Variants in USP4 observed in about 807,000 individuals in gnomAD.
USP4 encodes the protein ubiquitin carboxyl-terminal hydrolase 4.
USP4 carries 72 observed loss-of-function variants against 118.2 expected under a neutral mutation model. The ratio of observed to expected loss-of-function variants is 0.61; its 90% CI spans 0.50 to 0.74. USP4 has a LOEUF of 0.74. Among genes scored for constraint, USP4 ranks in the 30% least tolerant of loss-of-function variants. The pLI is 0.00. For synonymous variants in USP4, 415 were observed against 440.4 expected (o/e 0.94, Z 0.72); for missense variants, 1,037 against 1,185.7 (o/e 0.87, Z 1.84).
chr3:49,304,037 G>A (rs963014947), intron 9 of USP4, among the ~76,000 whole-genome samples: 8 of 151,820 alleles, frequency 5.3e-5, no homozygotes, highest in Admixed American at 6.6e-5. Flanking sequence ...ACAGGTGTGA[G>A]GCACCGCACC....
chr3:49,309,788 G>C (rs377446732), intron 8 of USP4, among the ~76,000 whole-genome samples: 1 of 146,858 alleles, frequency 6.8e-6, no homozygotes, highest in African/African-American at 2.5e-5. Context: ...CACCACACCC[G>C]GCTAATTTTT....
At chr3:49,321,892 G>A (rs2047506719) in intron 6 of USP4, among the ~76,000 whole-genome samples, 1 of 152,084 alleles carries the variant, frequency 6.6e-6, no homozygotes, top group Non-Finnish European at 1.5e-5. Context: ...CTACTCAGGA[G>A]GCTGAGGCAC....
chr3:49,307,513 C>T (rs891849334), intron 8 of USP4, among the ~76,000 whole-genome samples: 1 of 151,784 alleles, frequency 6.6e-6, no homozygotes, highest in Admixed American at 6.6e-5. Flanking sequence ...TGGTCTCAAA[C>T]TCCTGGGCTC....
intron 18 of USP4, 118 bp from the exon 19 acceptor site, chr3:49,284,254 A>G: frequency 7.3e-7 from 1 of 1,375,716 alleles, no homozygotes; most frequent in South Asian, 1.3e-5. Flanking sequence ...GTCAGCACTC[A>G]ACACTACTGC....
intron 6 of USP4, chr3:49,317,217 G>T: frequency 6.6e-7 from 1 of 1,515,104 alleles, no homozygotes. Context: ...CCGTCTCCGC[G>T]ATGGTCTGGT....
At chr3:49,293,270 T>C (rs1220447820) in intron 14 of USP4, among the ~76,000 whole-genome samples, 3 of 151,964 alleles carry the variant, frequency 2.0e-5, no homozygotes. Context: ...CCTAGCACTC[T>C]GGGAGGCTGA....
rs753444174 is a variant in USP4, at chr3:49,339,904, A to C, written c.101+20T>G. The C allele has an allele frequency of 7.5e-6, 12 of 1,606,724 alleles. No homozygotes were observed. The Admixed American group carries it at 1.7e-4, about 22-fold the overall frequency. ...TCGGCCCCTGGTTCTGCATAGAGGA[A>C]GAGCGAGCCGGGAGCTCACCACTGC... On this transcript the variant is annotated intron_variant, in intron 1 of 21. Transcript: ENST00000265560.
chr3:49,339,169 G>A (rs1416271078), intron 1 of USP4, among the ~76,000 whole-genome samples: 1 of 152,056 alleles, frequency 6.6e-6, no homozygotes, highest in East Asian at 1.9e-4. Flanking sequence ...AAACAAACAA[G>A]ATGGGTAACA....
chr3:49,301,871 G>C (rs2047266287), intron 10 of USP4, among the ~76,000 whole-genome samples: 1 of 152,002 alleles, frequency 6.6e-6, no homozygotes, highest in African/African-American at 2.4e-5. Context: ...AAGGCAAAAG[G>C]TATAAATGTC....
At chr3:49,284,417 A>C (rs762626804) in intron 18 of USP4, 49 bp downstream of exon 18, 1 of 1,475,142 alleles carries the variant, frequency 6.8e-7, no homozygotes, top group Non-Finnish European at 9.4e-7. Flanking sequence ...AGCAGATCTG[A>C]GTCCTGGGGT....
At chr3:49,306,767 C>G (rs1225725358) in intron 8 of USP4, among the ~76,000 whole-genome samples, 1 of 151,946 alleles carries the variant, frequency 6.6e-6, no homozygotes, top group Non-Finnish European at 1.5e-5. Context: ...CACCTCACCA[C>G]AAGAGGAAAA....
At chr3:49,286,860 A>ATCTATC in intron 15 of USP4, among the ~76,000 whole-genome samples, 1 of 148,966 alleles carries the variant, frequency 6.7e-6, no homozygotes, top group South Asian at 2.1e-4. Flanking sequence ...CTATCTATCT[A>ATCTATC]TCTATCTGAG....
In USP4 at chr3:49,294,575, A is replaced by G. The variant is rs759297155; in HGVS notation, c.1715T>C (p.Val572Ala). 6.2e-7 allele frequency: 1 copy of G among 1,614,092 alleles called. No individual in the cohort carries two copies. The highest frequency in any genetic ancestry group is 1.7e-5 in the Admixed American group (1 of 60,002). Residue 572 changes from valine to alanine, a missense_variant, in exon 14 of 22, where the codon GTG (valine) becomes GCG (alanine). Val to Ala is a moderately conservative substitution (Grantham distance 64). Coordinates refer to ENST00000265560, the MANE Select transcript of USP4 (RefSeq NM_003363.4). ...IFVYEVCSTSVDGSECVTLPV... is the reference protein window; with the variant it reads ...IFVYEVCSTSADGSECVTLPV... ...AAGCGTGACACATTCCGAGCCATCCACGGAAGTGCTGCAGACCTCGTACCT... is the reference window on the plus strand; with the variant it reads ...AAGCGTGACACATTCCGAGCCATCCGCGGAAGTGCTGCAGACCTCGTACCT...
intron 6 of USP4, chr3:49,317,408 T>G: frequency 1.0e-6 from 1 of 1,001,946 alleles, no homozygotes. Context: ...AGCTCCTCTA[T>G]GCATTTGACC....
At chr3:49,318,491 A>C (rs2047465102) in intron 6 of USP4, 1 of 985,380 alleles carries the variant, frequency 1.0e-6, no homozygotes, top group South Asian at 4.7e-5. Flanking sequence ...AGACAAAGCC[A>C]GGTCTACACA....
chr3:49,327,352 A>G (rs2047566990), intron 3 of USP4, among the ~76,000 whole-genome samples: 1 of 152,150 alleles, frequency 6.6e-6, no homozygotes, highest in African/African-American at 2.4e-5. Context: ...ACTGGCCAAC[A>G]TGGCGAAACC....
intron 6 of USP4, among the ~76,000 whole-genome samples, chr3:49,319,412 C>A (rs759376150): frequency 4.0e-5 from 6 of 151,694 alleles, no homozygotes; most frequent in African/African-American, 7.3e-5. Context: ...TCACACCCAG[C>A]TAATTTTTTT....
chr3:49,311,769 T>A, intron 6 of USP4, 115 bp from the exon 7 acceptor site: 2 of 1,439,802 alleles, frequency 1.4e-6, no homozygotes, highest in Admixed American at 5.3e-5. Flanking sequence ...TTAAAATAAA[T>A]TACAAAAAGC....
intron 8 of USP4, 67 bp downstream of exon 8, chr3:49,310,553 C>CT (rs957775108): frequency 3.6e-5 from 50 of 1,382,546 alleles, no homozygotes; most frequent in Non-Finnish European, 4.7e-5. Context: ...CACCCAGTAC[C>CT]TTTGCAGGCC....
Sources: allele counts gnomAD v4.1 joint callset (sites outside exome capture counted in the v4.1 genomes callset), GRCh38; gene constraint gnomAD v4.1.1; transcripts MANE v1.5; gene names NCBI Gene and HGNC (gene_info 2026-07-23, HGNC 2026-07-21).